The following ATRNL1 variants were observed in gnomAD, a reference collection of about 807,000 sequenced individuals.
ATRNL1 encodes attractin like 1, also known as attractin-like protein 1.
In ATRNL1, 95 loss-of-function variants were observed where a neutral mutation model predicts 182.7. The ratio of observed to expected loss-of-function variants is 0.52; its 90% confidence interval spans 0.44 to 0.62. The LOEUF (loss-of-function observed/expected upper bound fraction) is 0.62. Among genes scored for constraint, ATRNL1 ranks in the 20% least tolerant of loss-of-function variants. The pLI is 0.00. For synonymous variants in ATRNL1, 576 were observed against 568.3 expected, an observed-to-expected ratio of 1.01 and a Z score of -0.19; for missense variants, 1,471 against 1,679.5, an observed-to-expected ratio of 0.88 and a Z score of 2.17.
rs563200841 is a variant in ATRNL1 at position 115,462,789 on chromosome 10, A to G, written c.3417+754A>G. Among the ~76,000 whole-genome samples, 37 of 152,214 alleles carry G rather than the reference A, an allele frequency of 2.4e-4. 1 individual carries two copies. The South Asian group carries it at 7.5e-3, about 31-fold the overall frequency. On this transcript the variant is annotated intron_variant, in intron 22 of 28. Coordinates refer to ENST00000355044, the MANE Select transcript of ATRNL1 (RefSeq NM_207303.4). The stretch of plus-strand genomic sequence containing the variant: ...AATTACCACATCACTGATATATTGT[A>G]TAAGCTTTTGAAGTTTAAATATATG...
rs1432497830 is a variant in ATRNL1 at position 115,264,543 on chromosome 10, G to A, written c.1688-650G>A. Among the ~76,000 whole-genome samples, 4 of 151,334 alleles carry A rather than the reference G, an allele frequency of 2.6e-5. No individual in the cohort carries two copies. The East Asian group carries it at 5.8e-4, about 22-fold the overall frequency. On this transcript the variant is annotated intron_variant, in intron 10 of 28. Transcript: ENST00000355044. ...TATTTTAAATCTCAAATTTACGTTA[G>A]TATATATGTCAGTTCTGAGTTTATA...
intron 28 of ATRNL1, among the ~76,000 whole-genome samples, chr10:115,891,302 A>G (rs1952074559): frequency 6.6e-6 from 1 of 152,136 alleles, no homozygotes. Flanking sequence ...AGTGTTCTGG[A>G]AGAAAAAGGG....
At chr10:115,559,195 C>A (rs1328402477) in intron 26 of ATRNL1, among the ~76,000 whole-genome samples, 1 of 152,192 alleles carries the variant, frequency 6.6e-6, no homozygotes, top group Non-Finnish European at 1.5e-5. Context: ...ATCATTAGCT[C>A]TAGAGCTTGC....
At chr10:115,535,746 CT>C (rs773469118) in intron 25 of ATRNL1, among the ~76,000 whole-genome samples, 1 of 152,034 alleles carries the variant, frequency 6.6e-6, no homozygotes, top group Non-Finnish European at 1.5e-5. Context: ...GTTTTATCTA[CT>C]TTTGGTCTAT....
At chr10:115,436,282 G>T (rs1208952830) in intron 21 of ATRNL1, among the ~76,000 whole-genome samples, 5 of 152,090 alleles carry the variant, frequency 3.3e-5, no homozygotes, top group African/African-American at 1.2e-4. Context: ...GTAAAAAAAG[G>T]TGGCTTCTGA....
At chr10:115,573,500 T>C (rs2133867494) in intron 26 of ATRNL1, among the ~76,000 whole-genome samples, 1 of 152,012 alleles carries the variant, frequency 6.6e-6, no homozygotes, top group East Asian at 1.9e-4. Context: ...AAAGGCAGCT[T>C]TGGGGCACAA....
chr10:115,889,680 G>A (rs1286481176), intron 28 of ATRNL1, among the ~76,000 whole-genome samples: 1 of 152,160 alleles, frequency 6.6e-6, no homozygotes, highest in Non-Finnish European at 1.5e-5. Context: ...GCCTTAGAAT[G>A]TGCATTGAAC....
chr10:115,576,764 T>G (rs555563782), intron 26 of ATRNL1, among the ~76,000 whole-genome samples: 39 of 151,978 alleles, frequency 2.6e-4, no homozygotes, highest in Non-Finnish European at 4.6e-4. Context: ...TAATTTTGGT[T>G]TTGTTGCCTG....
At chr10:115,573,303 A>G (rs1461316087) in intron 26 of ATRNL1, among the ~76,000 whole-genome samples, 4 of 152,032 alleles carry the variant, frequency 2.6e-5, no homozygotes, top group Non-Finnish European at 5.9e-5. Flanking sequence ...CCCCCAGCCA[A>G]ATTCTTCTCA....
chr10:115,468,332 CG>C (rs1420585473), intron 23 of ATRNL1, among the ~76,000 whole-genome samples: 1 of 150,784 alleles, frequency 6.6e-6, no homozygotes, highest in African/African-American at 2.4e-5. Flanking sequence ...CAAGACATCA[CG>C]TGTTCTTTCA....
intron 1 of ATRNL1, among the ~76,000 whole-genome samples, chr10:115,097,124 A>G (rs970317153): frequency 6.6e-6 from 1 of 152,138 alleles, no homozygotes; most frequent in Admixed American, 6.5e-5. Flanking sequence ...TATTAGTCAA[A>G]TATAAAGGGG....
chr10:115,429,985 G>C (rs1565034636), intron 21 of ATRNL1, among the ~76,000 whole-genome samples: 1 of 152,140 alleles, frequency 6.6e-6, no homozygotes, highest in African/African-American at 2.4e-5. Context: ...ATGGGAGAAT[G>C]TCATGAACCC....
chr10:115,289,826 A>G (rs1243382020), intron 15 of ATRNL1, among the ~76,000 whole-genome samples: 1 of 152,140 alleles, frequency 6.6e-6, no homozygotes, highest in Non-Finnish European at 1.5e-5. Context: ...TGATAGCTCT[A>G]GCTTTGTTCA....
intron 14 of ATRNL1, among the ~76,000 whole-genome samples, chr10:115,284,323 C>T (rs555479936): frequency 6.6e-6 from 1 of 152,192 alleles, no homozygotes; most frequent in East Asian, 1.9e-4. Context: ...AATGAGGAGA[C>T]AGGCAATAAT....
intron 1 of ATRNL1, 36 bp from the exon 2 acceptor site, chr10:115,120,149 A>G (rs1398124428): frequency 1.6e-6 from 2 of 1,241,192 alleles, no homozygotes; most frequent in Admixed American, 1.8e-5. Context: ...AGTTATTTTA[A>G]GGTAATTATT....
chr10:115,111,734 C>T (rs1466191569), intron 1 of ATRNL1, among the ~76,000 whole-genome samples: 1 of 152,138 alleles, frequency 6.6e-6, no homozygotes, highest in South Asian at 2.1e-4. Flanking sequence ...TTGGAGGAGT[C>T]ATATATTCAA....
In ATRNL1 at chr10:115,936,179, C is replaced by T. The variant is rs550583308; in HGVS notation, c.4019-8479C>T. On this transcript the variant is annotated intron_variant, in intron 28 of 28. Coordinates refer to ENST00000355044, the MANE Select transcript of ATRNL1 (RefSeq NM_207303.4). ...GTTTTGTCTACTATTTCCTATTTGACTTCAAGCTTCTCACTTGATGTTAAT... is the reference window on the plus strand; with the variant it reads ...GTTTTGTCTACTATTTCCTATTTGATTTCAAGCTTCTCACTTGATGTTAAT... Among the ~76,000 whole-genome samples the T allele has an allele frequency of 6.6e-5, 10 of 152,336 alleles. No individual in the cohort carries two copies. The East Asian group carries it at 1.5e-3, about 23-fold the overall frequency.
chr10:115,557,313 T>C (rs978625420), intron 26 of ATRNL1, among the ~76,000 whole-genome samples: 2 of 152,040 alleles, frequency 1.3e-5, no homozygotes, highest in Admixed American at 6.6e-5. Context: ...TCTCAGCACA[T>C]AGATGGCATT....
At chr10:115,240,427 G>GT (rs1242436196) in intron 9 of ATRNL1, among the ~76,000 whole-genome samples, 1 of 151,624 alleles carries the variant, frequency 6.6e-6, no homozygotes, top group African/African-American at 2.4e-5. Context: ...AATTTTTTGT[G>GT]TTTTTAGTAG....
Sources: allele counts gnomAD v4.1 joint callset (sites outside exome capture counted in the v4.1 genomes callset), GRCh38; gene constraint gnomAD v4.1.1; transcripts MANE v1.5; gene names NCBI Gene and HGNC (gene_info 2026-07-23, HGNC 2026-07-21).